EPHA6: variants seen among roughly 807,000 people sequenced by gnomAD.
The protein encoded by EPHA6 is ephrin type-A receptor 6.
EPHA6 carries 50 observed loss-of-function variants against 112.0 expected under a neutral mutation model. The observed-to-expected ratio is 0.45, with a 90% CI of 0.36 to 0.56. The LOEUF is 0.56. EPHA6 is among the 20% of genes least tolerant of loss of function. EPHA6 has a pLI of 0.00. For missense variants in EPHA6, 1,280 were observed against 1,417.4 expected (o/e 0.90, Z 1.56); for synonymous variants, 529 against 490.7 (o/e 1.08, Z -1.03).
intron 6 of EPHA6, among the ~76,000 whole-genome samples, chr3:97,438,021 A>G (rs772708348): frequency 6.6e-6 from 1 of 152,180 alleles, no homozygotes; most frequent in East Asian, 1.9e-4. Flanking sequence ...ATGAATGACA[A>G]ATTTAAAGTT....
chr3:97,618,503 T>A (rs1182707494), intron 13 of EPHA6, among the ~76,000 whole-genome samples: 1 of 151,832 alleles, frequency 6.6e-6, no homozygotes, highest in Admixed American at 6.6e-5. Flanking sequence ...TAAAAATTGA[T>A]AAAATATCTA....
intron 2 of EPHA6, among the ~76,000 whole-genome samples, chr3:96,963,077 G>A (rs1310623018): frequency 1.3e-5 from 2 of 150,552 alleles, no homozygotes; most frequent in African/African-American, 2.5e-5. Context: ...TTGGAGAATC[G>A]CTTGAGCTCA....
intron 3 of EPHA6, among the ~76,000 whole-genome samples, chr3:97,217,995 G>A (rs2078079472): frequency 6.6e-6 from 1 of 152,104 alleles, no homozygotes; most frequent in South Asian, 2.1e-4. Flanking sequence ...TAAAGGCTGG[G>A]TGCAGATGCT....
At chr3:96,939,645 G>A (rs2040820375) in intron 2 of EPHA6, among the ~76,000 whole-genome samples, 1 of 152,114 alleles carries the variant, frequency 6.6e-6, no homozygotes, top group Non-Finnish European at 1.5e-5. Flanking sequence ...CCTTGTGCTA[G>A]CTTTTGAATG....
At chr3:97,051,768 G>A (rs1047201737) in intron 3 of EPHA6, among the ~76,000 whole-genome samples, 1 of 152,056 alleles carries the variant, frequency 6.6e-6, no homozygotes, top group South Asian at 2.1e-4. Flanking sequence ...TGATGTTTAG[G>A]TCTCACCCTC....
In EPHA6 at chr3:97,592,640, G is replaced by C; in HGVS notation, c.2415G>C (p.Ala805=). The stretch of plus-strand genomic sequence containing the variant: ...CCTTCCCGGCCATTGGGGTGGAGGC[G>C]TTTTGCCCCAGCTTCCTGAGGGCAG... ...KRSFPAIGVE[A]FCPSFLRAGF... is the part of the protein sequence containing the mutation. Residue 805 remains alanine (A), a synonymous_variant, in exon 12 of 18, where the codon GCG becomes GCC. Transcript: ENST00000389672. 1 of 1,613,402 alleles carries C rather than the reference G, an allele frequency of 6.2e-7. No homozygotes were observed. Among genetic ancestry groups the C allele is most frequent in the African/African-American group, 1.3e-5 (1 of 74,966 alleles).
At chr3:97,141,797 C>T (rs2075912301) in intron 3 of EPHA6, among the ~76,000 whole-genome samples, 1 of 151,768 alleles carries the variant, frequency 6.6e-6, no homozygotes, top group African/African-American at 2.4e-5. Context: ...AAATCAAACC[C>T]GACACTAGCA....
chr3:97,466,139 G>A (rs1276474276), intron 7 of EPHA6: 1 of 552,358 alleles, frequency 1.8e-6, no homozygotes, highest in African/African-American at 1.9e-5. Context: ...TGTAGAAAAA[G>A]GTTGTTTTAG....
rs1322925406 is a variant in EPHA6, at chr3:97,756,450, C to T, written c.*7749C>T. Among the ~76,000 whole-genome samples, 1 of 151,848 alleles carries T rather than the reference C, an allele frequency of 6.6e-6. No homozygotes were observed. The highest frequency in any genetic ancestry group is 2.4e-5 in the African/African-American group (1 of 41,418). On this transcript the variant is annotated 3_prime_UTR_variant, in exon 18 of 18. Coordinates refer to ENST00000389672, the MANE Select transcript of EPHA6 (RefSeq NM_001080448.3). ...CTTTAAGACAATGCTGAATATCATACATAGTTAATAAACAATGATTGGAGC... is the reference window on the plus strand; with the variant it reads ...CTTTAAGACAATGCTGAATATCATATATAGTTAATAAACAATGATTGGAGC...
chr3:97,516,887 C>T (rs2092456022), intron 10 of EPHA6, among the ~76,000 whole-genome samples: 1 of 152,056 alleles, frequency 6.6e-6, no homozygotes, highest in South Asian at 2.1e-4. Context: ...AGCTTTGGGT[C>T]TAGGTTGTTT....
chr3:97,576,177 A>G (rs1433588639), intron 11 of EPHA6, among the ~76,000 whole-genome samples: 2 of 152,176 alleles, frequency 1.3e-5, no homozygotes, highest in East Asian at 3.8e-4. Context: ...ATTTTTTTCC[A>G]AGAAAAATTA....
intron 3 of EPHA6, among the ~76,000 whole-genome samples, chr3:97,174,252 G>A (rs994598609): frequency 6.6e-6 from 1 of 151,802 alleles, no homozygotes; most frequent in Non-Finnish European, 1.5e-5. Flanking sequence ...TGGCTGAATA[G>A]TACTTCATTG....
intron 6 of EPHA6, among the ~76,000 whole-genome samples, chr3:97,444,954 A>T (rs962278164): frequency 6.6e-6 from 1 of 152,080 alleles, no homozygotes; most frequent in Admixed American, 6.6e-5. Flanking sequence ...GTGCCTAAAT[A>T]TAAGTGCCAG....
intron 11 of EPHA6, among the ~76,000 whole-genome samples, chr3:97,555,755 C>T (rs1373895719): frequency 3.9e-5 from 6 of 152,206 alleles, no homozygotes; most frequent in African/African-American, 1.4e-4. Context: ...ATATCCTTCA[C>T]CCACTTTTTG....
chr3:97,450,869 C>T (rs894214887), intron 7 of EPHA6, among the ~76,000 whole-genome samples: 10 of 151,908 alleles, frequency 6.6e-5, no homozygotes, highest in African/African-American at 1.5e-4. Flanking sequence ...AGATTAGTGA[C>T]GTGTACTATC....
At chr3:97,314,772 T>C (rs1025530971) in intron 5 of EPHA6, among the ~76,000 whole-genome samples, 1 of 151,576 alleles carries the variant, frequency 6.6e-6, no homozygotes, top group Non-Finnish European at 1.5e-5. Context: ...TTGAAGATGG[T>C]CAAAATTAGA....
At chr3:97,551,872 C>A (rs1487970438) in intron 11 of EPHA6, among the ~76,000 whole-genome samples, 3 of 152,052 alleles carry the variant, frequency 2.0e-5, no homozygotes, top group African/African-American at 7.2e-5. Context: ...ACTGGAGGGA[C>A]TTGAGCAAAG....
intron 3 of EPHA6, among the ~76,000 whole-genome samples, chr3:97,128,223 G>C (rs2048236910): frequency 6.6e-6 from 1 of 152,212 alleles, no homozygotes; most frequent in Admixed American, 6.5e-5. Flanking sequence ...GAATTCTATG[G>C]TATATATGTA....
At chr3:97,024,911 C>T (rs1469302453) in intron 3 of EPHA6, among the ~76,000 whole-genome samples, 1 of 151,982 alleles carries the variant, frequency 6.6e-6, no homozygotes, top group Non-Finnish European at 1.5e-5. Flanking sequence ...TTCCAAAAAC[C>T]TGAAAAATTA....
Sources: allele counts gnomAD v4.1 joint callset (sites outside exome capture counted in the v4.1 genomes callset), GRCh38; gene constraint gnomAD v4.1.1; transcripts MANE v1.5; gene names NCBI Gene and HGNC (gene_info 2026-07-23, HGNC 2026-07-21).